Variants in ZBTB20 observed in about 807,000 individuals in gnomAD.
ZBTB20 encodes the protein zinc finger and BTB domain containing 20.
ZBTB20 carries 9 observed loss-of-function variants against 56.9 expected under a neutral mutation model. The ratio of observed to expected loss-of-function variants is 0.16; its 90% CI spans 0.10 to 0.28. The LOEUF is 0.28. Ranked by LOEUF, ZBTB20 falls within the 10% of genes least tolerant of loss-of-function variation. ZBTB20 has a pLI of 1.00. For missense variants in ZBTB20, 655 were observed against 1,003.0 expected (o/e 0.65, Z 4.69); for synonymous variants, 417 against 420.7 (o/e 0.99, Z 0.11).
intron 2 of ZBTB20, among the ~76,000 whole-genome samples, chr3:115,061,906 A>G (rs779919769): frequency 4.6e-5 from 7 of 152,288 alleles, no homozygotes; most frequent in Non-Finnish European, 1.0e-4. Flanking sequence ...GGCAGCAAGC[A>G]TTGGTCCTTT....
At chr3:114,962,366 A>G (rs371020515) in intron 3 of ZBTB20, among the ~76,000 whole-genome samples, 26 of 152,284 alleles carry the variant, frequency 1.7e-4, no homozygotes, top group African/African-American at 5.8e-4. Context: ...CCCCACCCAG[A>G]TGTGAGTATC....
At chr3:114,941,790 A>AAAACTTTT (rs1236038291) in intron 3 of ZBTB20, among the ~76,000 whole-genome samples, 2 of 146,240 alleles carry the variant, frequency 1.4e-5, no homozygotes, top group East Asian at 3.8e-4. Flanking sequence ...AAGTTTTATT[A>AAAACTTTT]AAACTGTTTC....
At chr3:115,099,117 C>A (rs2083485343) in intron 1 of ZBTB20, among the ~76,000 whole-genome samples, 1 of 151,990 alleles carries the variant, frequency 6.6e-6, no homozygotes, top group African/African-American at 2.4e-5. Context: ...AACTCTTCAA[C>A]AATGTCTGCT....
intron 2 of ZBTB20, among the ~76,000 whole-genome samples, chr3:115,011,942 T>C (rs1164725341): frequency 6.6e-6 from 1 of 151,880 alleles, no homozygotes; most frequent in Non-Finnish European, 1.5e-5. Context: ...TTTCTTAGTT[T>C]TCTATTTGCC....
chr3:114,390,410 T>A (rs2085731388), intron 7 of ZBTB20, among the ~76,000 whole-genome samples: 1 of 152,238 alleles, frequency 6.6e-6, no homozygotes, highest in South Asian at 2.1e-4. Context: ...GATCTGGGCA[T>A]GTTCTGAGCA....
chr3:114,754,007 G>A (rs1313714480), intron 5 of ZBTB20, among the ~76,000 whole-genome samples: 1 of 152,138 alleles, frequency 6.6e-6, no homozygotes, highest in Non-Finnish European at 1.5e-5. Flanking sequence ...GCAAGCTCTT[G>A]TCATGTTCCT....
chr3:114,644,017 G>A (rs187399495), intron 6 of ZBTB20, among the ~76,000 whole-genome samples: 94 of 151,734 alleles, frequency 6.2e-4, no homozygotes, highest in Non-Finnish European at 7.2e-4. Flanking sequence ...TGACCATTTG[G>A]ACAAATATTA....
rs560455612 is a variant in ZBTB20, at chr3:114,343,976, G to C, written c.1805-4550C>G. Among the ~76,000 whole-genome samples the C allele has an allele frequency of 2.0e-5, 3 of 152,058 alleles. No individual in the cohort carries two copies. The South Asian group carries it at 6.2e-4, about 31-fold the overall frequency. On this transcript the variant is annotated intron_variant, in intron 11 of 11. Coordinates refer to ENST00000675478, the MANE Select transcript of ZBTB20 (RefSeq NM_001348800.3). Reference sequence around the variant, plus strand: ...AGGCAGGAGAATCACTTGAACCCGGGAGGTGGAGGTTGAAGTGAGCAGAGA... The same window carrying C: ...AGGCAGGAGAATCACTTGAACCCGGCAGGTGGAGGTTGAAGTGAGCAGAGA...
chr3:115,044,132 G>A (rs1016317582), intron 2 of ZBTB20, among the ~76,000 whole-genome samples: 1 of 152,132 alleles, frequency 6.6e-6, no homozygotes, highest in Non-Finnish European at 1.5e-5. Flanking sequence ...GCAGAACTAT[G>A]AGCCAATTAA....
At chr3:115,032,987 C>T (rs948358952) in intron 2 of ZBTB20, among the ~76,000 whole-genome samples, 1 of 134,270 alleles carries the variant, frequency 7.4e-6, no homozygotes, top group Admixed American at 7.3e-5. Context: ...ACAAACTAAA[C>T]CCACAGCTAG....
chr3:115,068,131 A>G (rs2082273768), intron 2 of ZBTB20, among the ~76,000 whole-genome samples: 1 of 152,016 alleles, frequency 6.6e-6, no homozygotes, highest in African/African-American at 2.4e-5. Flanking sequence ...CTCCTTAAAA[A>G]TATCAGGTTT....
intron 8 of ZBTB20, chr3:114,387,735 T>G (rs1007793949): frequency 1.3e-5 from 2 of 152,248 alleles, no homozygotes; most frequent in African/African-American, 4.8e-5. Context: ...TCTCGGGTAT[T>G]CCTTGCACTT....
At chr3:114,595,277 T>C (rs1460306546) in intron 6 of ZBTB20, among the ~76,000 whole-genome samples, 2 of 152,236 alleles carry the variant, frequency 1.3e-5, no homozygotes, top group Non-Finnish European at 2.9e-5. Flanking sequence ...GCTGGTCAAA[T>C]GCACTGTTAG....
At chr3:114,764,587 A>C (rs1259624684) in intron 5 of ZBTB20, among the ~76,000 whole-genome samples, 1 of 152,228 alleles carries the variant, frequency 6.6e-6, no homozygotes, top group Non-Finnish European at 1.5e-5. Flanking sequence ...GAATGACGGA[A>C]GTCTAACAGA....
chr3:114,469,574 A>G lies in ZBTB20; in HGVS notation c.-255+30778T>C, dbSNP rs1007051100. ...TATGTTCTGGTTCTGATTCATGAGA[A>G]ATCAGCCCAAGCCCAACATTTCTGT... On this transcript the variant is annotated intron_variant, in intron 7 of 11. Coordinates refer to ENST00000675478, the MANE Select transcript of ZBTB20 (RefSeq NM_001348800.3). Among the ~76,000 whole-genome samples the G allele has an allele frequency of 7.2e-5, 11 of 152,284 alleles. No individual in the cohort carries two copies. In the East Asian group the frequency reaches 1.7e-3, roughly 24 times the overall value.
chr3:114,661,772 TG>T (rs1268267172), intron 6 of ZBTB20, among the ~76,000 whole-genome samples: 1 of 152,124 alleles, frequency 6.6e-6, no homozygotes, highest in Non-Finnish European at 1.5e-5. Context: ...AATGTGACTT[TG>T]GGAAAGGAAA....
chr3:115,124,642 C>G (rs60739636), intron 1 of ZBTB20, among the ~76,000 whole-genome samples: 14,270 of 152,136 alleles, frequency 0.094, 1,986 homozygotes, highest in African/African-American at 0.3. Flanking sequence ...TAGAGATAGT[C>G]CAATCAACCA....
At chr3:115,085,752 T>A (rs2082962298) in intron 1 of ZBTB20, among the ~76,000 whole-genome samples, 1 of 151,932 alleles carries the variant, frequency 6.6e-6, no homozygotes, top group Non-Finnish European at 1.5e-5. Flanking sequence ...TCTTTGGTAA[T>A]CACTCTCAAG....
chr3:114,969,943 T>G (rs1291395201), intron 3 of ZBTB20, among the ~76,000 whole-genome samples: 1 of 152,216 alleles, frequency 6.6e-6, no homozygotes, highest in Non-Finnish European at 1.5e-5. Flanking sequence ...AAATGAGACT[T>G]GCACATGTAA....
Sources: gnomAD v4.1 joint callset for allele counts (sites outside exome capture counted in the v4.1 genomes callset) on GRCh38, gnomAD v4.1.1 for gene constraint, MANE v1.5 for transcripts, NCBI Gene and HGNC (gene_info 2026-07-23, HGNC 2026-07-21) for gene names.